CWC27: variants seen among roughly 807,000 people sequenced by gnomAD.
CWC27 encodes CWC27 spliceosome associated cyclophilin.
Under a neutral mutation model 63.6 loss-of-function variants are expected in CWC27, and 47 were observed. The observed-to-expected ratio is 0.74, with a 90% confidence interval of 0.58 to 0.94. The LOEUF (loss-of-function observed/expected upper bound fraction) is 0.94. Ranked by LOEUF, CWC27 falls within the 40% of genes least tolerant of loss-of-function variation. CWC27 has a pLI of 0.00. For missense variants in CWC27, 495 were observed against 554.3 expected, an observed-to-expected ratio of 0.89 and a Z score of 1.07; for synonymous variants, 175 against 179.8, an observed-to-expected ratio of 0.97 and a Z score of 0.22.
intron 4 of CWC27, 106 bp downstream of exon 4, chr5:64,784,085 A>G: frequency 3.1e-6 from 3 of 967,620 alleles, no homozygotes; most frequent in Non-Finnish European, 4.4e-6. Context: ...TACCTTTGTA[A>G]AAACATTCCA....
At chr5:64,813,393 C>CA (rs939087333) in intron 10 of CWC27, among the ~76,000 whole-genome samples, 2 of 151,798 alleles carry the variant, frequency 1.3e-5, no homozygotes, top group Non-Finnish European at 2.9e-5. Flanking sequence ...AACAAACAAA[C>CA]AAAAAAAATC....
intron 10 of CWC27, among the ~76,000 whole-genome samples, chr5:64,847,007 A>AAG (rs1745998937): frequency 6.6e-6 from 1 of 151,556 alleles, no homozygotes; most frequent in Admixed American, 6.6e-5. Flanking sequence ...AAAAAAAAAA[A>AAG]AAAAGAAAAA....
chr5:64,782,004 G>A lies in CWC27; in HGVS notation c.223G>A (p.Gly75Arg), dbSNP rs1743711652. 3 of 1,591,634 alleles carry A rather than the reference G, an allele frequency of 1.9e-6. No homozygotes were observed. Among genetic ancestry groups the A allele is most frequent in the South Asian group, 1.1e-5 (1 of 88,664 alleles). ...GGDPTGTGSG[G>R]ESIYGAPFKD... ...AGATCCTACTGGCACAGGGAGTGGT[G>A]GAGAGTCTATCTATGGAGCGCCATT... Residue 75 changes from glycine (G) to arginine (R), a missense_variant, in exon 3 of 14, where the codon GGA (glycine) becomes AGA (arginine). Coordinates refer to ENST00000381070, the MANE Select transcript of CWC27 (RefSeq NM_005869.4).
chr5:64,949,282 A>G (rs1748653787), intron 11 of CWC27, among the ~76,000 whole-genome samples: 1 of 152,044 alleles, frequency 6.6e-6, no homozygotes, highest in Admixed American at 6.6e-5. Context: ...TCAAAGTGAA[A>G]TGAATTAGAT....
At chr5:65,000,561 A>G (rs188096613) in intron 13 of CWC27, among the ~76,000 whole-genome samples, 190 of 152,262 alleles carry the variant, frequency 1.2e-3, no homozygotes, top group African/African-American at 4.4e-3. Flanking sequence ...CAGTTTTCTC[A>G]GCATCATTTA....
chr5:64,776,258 A>G lies in CWC27; in HGVS notation c.139+1471A>G, dbSNP rs144874106. Among the ~76,000 whole-genome samples the G allele has an allele frequency of 1.4e-4, 22 of 152,226 alleles. 1 individual carries two copies. In the East Asian group the frequency reaches 4.1e-3, roughly 28 times the overall value. ...GTTGAGAAACACAGGAGACATGAAA[A>G]AGTCAGACTTGTTTCTGGTAAGAAG... On this transcript the variant is annotated intron_variant, in intron 2 of 13. Coordinates refer to ENST00000381070, the MANE Select transcript of CWC27 (RefSeq NM_005869.4).
At chr5:64,902,762 T>C (rs890750422) in intron 11 of CWC27, among the ~76,000 whole-genome samples, 7 of 152,186 alleles carry the variant, frequency 4.6e-5, no homozygotes, top group African/African-American at 1.7e-4. Flanking sequence ...AAAAGCCTGC[T>C]AGAATTTTGA....
chr5:64,933,387 C>A (rs1748277891), intron 11 of CWC27, among the ~76,000 whole-genome samples: 1 of 152,072 alleles, frequency 6.6e-6, no homozygotes, highest in Non-Finnish European at 1.5e-5. Flanking sequence ...GTACAATGAA[C>A]TCATATATCT....
chr5:64,854,905 TA>T (rs1458850419), intron 10 of CWC27, among the ~76,000 whole-genome samples: 1 of 152,156 alleles, frequency 6.6e-6, no homozygotes, highest in Non-Finnish European at 1.5e-5. Context: ...GAAGACTATT[TA>T]GTATACCCTG....
intron 10 of CWC27, among the ~76,000 whole-genome samples, chr5:64,850,432 A>T (rs1746107142): frequency 1.3e-5 from 2 of 152,184 alleles, no homozygotes. Flanking sequence ...AACACTAAAT[A>T]AGTAGGCTTA....
intron 10 of CWC27, among the ~76,000 whole-genome samples, chr5:64,845,300 T>C (rs1745946861): frequency 6.6e-6 from 1 of 152,068 alleles, no homozygotes; most frequent in Admixed American, 6.6e-5. Flanking sequence ...CTCAAATGCA[T>C]AGACAATAAC....
intron 10 of CWC27, among the ~76,000 whole-genome samples, chr5:64,813,865 A>C (rs1349766730): frequency 6.6e-6 from 1 of 152,174 alleles, no homozygotes. Context: ...CAAAGTTGGA[A>C]GTACATGAAG....
chr5:64,971,841 A>G (rs1239578337), intron 12 of CWC27, 29 bp downstream of exon 12: 1 of 1,425,286 alleles, frequency 7.0e-7, no homozygotes, highest in Non-Finnish European at 9.7e-7. Context: ...ATCCATACAG[A>G]ACTTATTGTC....
intron 3 of CWC27, among the ~76,000 whole-genome samples, chr5:64,782,716 A>G (rs1332885504): frequency 2.0e-5 from 3 of 152,156 alleles, no homozygotes; most frequent in Admixed American, 6.5e-5. Context: ...TCGTTTTTAT[A>G]TTAAGGGAAT....
At chr5:64,989,742 A>G (rs888478215) in intron 13 of CWC27, among the ~76,000 whole-genome samples, 1 of 152,186 alleles carries the variant, frequency 6.6e-6, no homozygotes, top group African/African-American at 2.4e-5. Flanking sequence ...AGAGATTCAA[A>G]TTATTTTTGC....
chr5:64,876,125 G>A (rs1033289861), intron 10 of CWC27, among the ~76,000 whole-genome samples: 2 of 152,044 alleles, frequency 1.3e-5, no homozygotes, highest in African/African-American at 4.8e-5. Flanking sequence ...CATGATATAA[G>A]TATACATTTT....
At chr5:64,777,828 G>A (rs1417060618) in intron 2 of CWC27, among the ~76,000 whole-genome samples, 1 of 152,080 alleles carries the variant, frequency 6.6e-6, no homozygotes, top group African/African-American at 2.4e-5. Flanking sequence ...TAGTTCAATA[G>A]TGATTACTAA....
At chr5:64,867,726 G>T (rs1746563196) in intron 10 of CWC27, among the ~76,000 whole-genome samples, 1 of 152,050 alleles carries the variant, frequency 6.6e-6, no homozygotes, top group Admixed American at 6.6e-5. Flanking sequence ...TGTGAAGTCT[G>T]AGCCATAGTC....
At chr5:64,949,078 G>T (rs1748649895) in intron 11 of CWC27, among the ~76,000 whole-genome samples, 1 of 151,840 alleles carries the variant, frequency 6.6e-6, no homozygotes, top group African/African-American at 2.4e-5. Context: ...AGAGCTTAAG[G>T]TACTTTATGG....
Sources: allele counts gnomAD v4.1 joint callset (sites outside exome capture counted in the v4.1 genomes callset), GRCh38; gene constraint gnomAD v4.1.1; transcripts MANE v1.5; gene names NCBI Gene and HGNC (gene_info 2026-07-23, HGNC 2026-07-21).